The following FHIP1A variants were observed in gnomAD, a reference collection of about 807,000 sequenced individuals.
FHIP1A encodes FHF complex subunit HOOK-interacting protein 1A.
A neutral mutation model predicts 88.6 loss-of-function variants in FHIP1A; 61 were observed. That is an observed-to-expected ratio of 0.69 (90% CI 0.56 to 0.85). The LOEUF (loss-of-function observed/expected upper bound fraction) is 0.85, where lower values mean the gene tolerates loss of function less well. Ranked by LOEUF, FHIP1A falls within the 40% of genes least tolerant of loss-of-function variation. The pLI, the probability that FHIP1A is intolerant of heterozygous loss-of-function variation, is 0.00. For synonymous variants in FHIP1A, 478 were observed against 496.0 expected, an observed-to-expected ratio of 0.96 and a Z score of 0.48; for missense variants, 1,154 against 1,273.5, an observed-to-expected ratio of 0.91 and a Z score of 1.43.
intron 8 of FHIP1A, among the ~76,000 whole-genome samples, chr4:151,635,499 A>G (rs1736318173): frequency 6.6e-6 from 1 of 151,928 alleles, no homozygotes; most frequent in Non-Finnish European, 1.5e-5. Flanking sequence ...GGATGAATGG[A>G]TAAGAGAGTA....
At chr4:151,616,964 C>T (rs947678595) in intron 7 of FHIP1A, among the ~76,000 whole-genome samples, 10 of 151,746 alleles carry the variant, frequency 6.6e-5, no homozygotes, top group East Asian at 3.9e-4. Context: ...GCCAGGCTAG[C>T]CTTGAACTCC....
chr4:151,510,309 G>A (rs1182150970), intron 3 of FHIP1A, among the ~76,000 whole-genome samples: 2 of 151,882 alleles, frequency 1.3e-5, no homozygotes, highest in African/African-American at 4.8e-5. Flanking sequence ...GGGTCTTACT[G>A]TGTTGCCCAG....
At chr4:151,640,724 C>T (rs1736556221) in intron 9 of FHIP1A, among the ~76,000 whole-genome samples, 1 of 152,144 alleles carries the variant, frequency 6.6e-6, no homozygotes, top group Non-Finnish European at 1.5e-5. Flanking sequence ...TGCAGAGCCT[C>T]CCAGCTCTGG....
chr4:151,508,060 G>A (rs1464626687), intron 3 of FHIP1A, among the ~76,000 whole-genome samples: 1 of 152,200 alleles, frequency 6.6e-6, no homozygotes, highest in Non-Finnish European at 1.5e-5. Flanking sequence ...GGAAGACCAA[G>A]AAATCAGGCA....
At chr4:151,659,104 C>T (rs1426636033) in intron 13 of FHIP1A, among the ~76,000 whole-genome samples, 1 of 152,188 alleles carries the variant, frequency 6.6e-6, no homozygotes, top group African/African-American at 2.4e-5. Context: ...AACTTGTTCT[C>T]ACTGCCTAAG....
At chr4:151,568,603 G>C (rs1212693019) in intron 4 of FHIP1A, among the ~76,000 whole-genome samples, 1 of 152,122 alleles carries the variant, frequency 6.6e-6, no homozygotes, top group East Asian at 1.9e-4. Flanking sequence ...CATCACACGT[G>C]GGACTTGAGA....
At chr4:151,454,898 C>G (rs6845648) in intron 2 of FHIP1A, 90 bp downstream of exon 2, 2 of 151,568 alleles carry the variant, frequency 1.3e-5, no homozygotes, top group African/African-American at 4.8e-5. Context: ...TTTCCTTGGC[C>G]CCTTATGTGG....
chr4:151,547,020 A>T (rs777053756), intron 3 of FHIP1A, among the ~76,000 whole-genome samples: 2 of 152,068 alleles, frequency 1.3e-5, no homozygotes, highest in Non-Finnish European at 2.9e-5. Flanking sequence ...TGAAAACTGC[A>T]TGGCAGTTTT....
At chr4:151,525,838 G>T (rs991526665) in intron 3 of FHIP1A, among the ~76,000 whole-genome samples, 1 of 151,508 alleles carries the variant, frequency 6.6e-6, no homozygotes, top group Non-Finnish European at 1.5e-5. Context: ...GACAATATTG[G>T]AGGGAAGGTC....
chr4:151,627,518 A>G (rs1735997043), intron 7 of FHIP1A, among the ~76,000 whole-genome samples: 1 of 152,248 alleles, frequency 6.6e-6, no homozygotes, highest in African/African-American at 2.4e-5. Flanking sequence ...ATATTGTGTT[A>G]CAGAAACTAC....
At chr4:151,660,460 C>T (rs995828577) in intron 13 of FHIP1A, among the ~76,000 whole-genome samples, 1 of 152,178 alleles carries the variant, frequency 6.6e-6, no homozygotes, top group African/African-American at 2.4e-5. Context: ...GAGAGGAATA[C>T]GAGCAGCTGC....
At chr4:151,512,150 C>T (rs565835586) in intron 3 of FHIP1A, among the ~76,000 whole-genome samples, 3 of 152,318 alleles carry the variant, frequency 2.0e-5, no homozygotes, top group African/African-American at 4.8e-5. Flanking sequence ...TCTTCTGCAG[C>T]CACCACTGCT....
At chr4:151,631,380 C>T (rs1736153216) in intron 8 of FHIP1A, among the ~76,000 whole-genome samples, 1 of 151,974 alleles carries the variant, frequency 6.6e-6, no homozygotes, top group South Asian at 2.1e-4. Flanking sequence ...ATGAAATAGA[C>T]AAATTCTAGA....
At position 151,650,235 on chromosome 4, in the gene FHIP1A, G is replaced by A; in HGVS notation, c.2194G>A (p.Ala732Thr). ...ATCCAACTCAGAGTTAGCATCCCCTGCCCCTGAGGCAGAGCACAGCTCTAA... is the reference window on the plus strand; with the variant it reads ...ATCCAACTCAGAGTTAGCATCCCCTACCCCTGAGGCAGAGCACAGCTCTAA... Reference protein sequence around the residue: ...PESNSELASPAPEAEHSSNLT... With the variant: ...PESNSELASPTPEAEHSSNLT... The change falls in exon 11 of 14, where the codon GCC becomes ACC. Residue 732 changes from alanine (A) to threonine (T), a missense_variant. Transcript: ENST00000435205. 1 of 1,551,718 alleles carries A rather than the reference G, an allele frequency of 6.4e-7. No homozygotes were observed.
chr4:151,489,472 G>A (rs1192293178), intron 3 of FHIP1A, among the ~76,000 whole-genome samples: 2 of 152,154 alleles, frequency 1.3e-5, no homozygotes, highest in Non-Finnish European at 2.9e-5. Context: ...GGAGTGAACA[G>A]GAAGCGCGGA....
intron 3 of FHIP1A, among the ~76,000 whole-genome samples, chr4:151,506,861 T>C (rs1730854318): frequency 6.6e-6 from 1 of 152,232 alleles, no homozygotes; most frequent in Admixed American, 6.5e-5. Flanking sequence ...TTATGTAATA[T>C]GGGAAGAGAT....
intron 3 of FHIP1A, among the ~76,000 whole-genome samples, chr4:151,555,886 AAAG>A (rs1467707706): frequency 1.3e-5 from 2 of 152,200 alleles, no homozygotes; most frequent in Non-Finnish European, 2.9e-5. Context: ...ATGTTAGACT[AAAG>A]AAGATGTCAT....
At chr4:151,493,915 A>C (rs918148932) in intron 3 of FHIP1A, among the ~76,000 whole-genome samples, 1 of 152,212 alleles carries the variant, frequency 6.6e-6, no homozygotes, top group Non-Finnish European at 1.5e-5. Flanking sequence ...GACCGGAACA[A>C]GACAAGGAAG....
chr4:151,499,048 T>C (rs1361204307), intron 3 of FHIP1A, among the ~76,000 whole-genome samples: 1 of 152,222 alleles, frequency 6.6e-6, no homozygotes, highest in African/African-American at 2.4e-5. Context: ...GCCCTGGTTC[T>C]CATTTAGAGG....
Sources: gnomAD v4.1 joint callset for allele counts (sites outside exome capture counted in the v4.1 genomes callset) on GRCh38, gnomAD v4.1.1 for gene constraint, MANE v1.5 for transcripts, NCBI Gene and HGNC (gene_info 2026-07-23, HGNC 2026-07-21) for gene names.